Variants in NRXN3 observed in about 807,000 individuals in gnomAD.
The protein encoded by NRXN3 is neurexin 3.
A neutral mutation model predicts 137.6 loss-of-function variants in NRXN3; 32 were observed. The observed-to-expected ratio is 0.23, with a 90% CI of 0.18 to 0.31. The LOEUF (loss-of-function observed/expected upper bound fraction) is 0.31. NRXN3 is among the 10% of genes least tolerant of loss of function. The pLI is 1.00. For synonymous variants in NRXN3, 798 were observed against 784.5 expected (o/e 1.02, Z -0.29); for missense variants, 1,574 against 2,062.5 (o/e 0.76, Z 4.59).
At chr14:79,101,911 T>G (rs1225258153) in intron 15 of NRXN3, among the ~76,000 whole-genome samples, 1 of 150,626 alleles carries the variant, frequency 6.6e-6, no homozygotes, top group African/African-American at 2.4e-5. Flanking sequence ...GAGAAGAGAG[T>G]GCCATGAGAA....
intron 6 of NRXN3, among the ~76,000 whole-genome samples, chr14:78,667,705 T>C (rs2097899400): frequency 6.6e-6 from 1 of 152,310 alleles, no homozygotes; most frequent in East Asian, 1.9e-4. Flanking sequence ...CATGGATAAA[T>C]ATGTGTGCAT....
intron 4 of NRXN3, among the ~76,000 whole-genome samples, chr14:78,462,583 C>T (rs1356730737): frequency 6.6e-6 from 1 of 152,192 alleles, no homozygotes; most frequent in African/African-American, 2.4e-5. Flanking sequence ...CCTTATCAGA[C>T]ATCTTAATTT....
chr14:78,604,032 C>T (rs571012688), intron 4 of NRXN3, among the ~76,000 whole-genome samples: 13 of 152,136 alleles, frequency 8.5e-5, no homozygotes, highest in East Asian at 1.9e-4. Context: ...ACAATCACGA[C>T]GGAAGATGAA....
intron 4 of NRXN3, among the ~76,000 whole-genome samples, chr14:78,554,705 G>A (rs2096722456): frequency 6.6e-6 from 1 of 152,136 alleles, no homozygotes. Context: ...TCACCCACAG[G>A]ATGCTCATGT....
chr14:78,726,042 G>A (rs1334677479), intron 8 of NRXN3, among the ~76,000 whole-genome samples: 1 of 152,116 alleles, frequency 6.6e-6, no homozygotes, highest in East Asian at 1.9e-4. Flanking sequence ...TCTCTTCTGT[G>A]ATCGATATAC....
intron 15 of NRXN3, among the ~76,000 whole-genome samples, chr14:79,059,250 C>CTTTTTTTTTTTTTTTTTTGTTTTTTTT (rs2099670791): frequency 1.3e-5 from 1 of 78,320 alleles, no homozygotes; most frequent in African/African-American, 5.1e-5. Context: ...AGGCCCTATT[C>CTTTTTTTTTTTTTTTTTTGTTTTTTTT]TTTTTTTTTT....
chr14:78,835,800 T>C (rs1277839716), intron 10 of NRXN3, among the ~76,000 whole-genome samples: 3 of 152,122 alleles, frequency 2.0e-5, no homozygotes, highest in Non-Finnish European at 2.9e-5. Context: ...AAGTACAACA[T>C]TGATAGAGGG....
chr14:79,769,976 A>G (rs1447079299), intron 19 of NRXN3, among the ~76,000 whole-genome samples: 1 of 152,184 alleles, frequency 6.6e-6, no homozygotes, highest in Non-Finnish European at 1.5e-5. Flanking sequence ...TTGCAATCCT[A>G]GTCTCTGATA....
chr14:79,356,284 G>A (rs2093419250), intron 15 of NRXN3, among the ~76,000 whole-genome samples: 1 of 152,150 alleles, frequency 6.6e-6, no homozygotes, highest in African/African-American at 2.4e-5. Flanking sequence ...TTTGGAGTAT[G>A]TGTGGGGGTG....
Position 78,297,944 on chromosome 14 carries a change from C to T in NRXN3, c.757+84C>T, listed in dbSNP as rs147457373. On this transcript the variant is annotated intron_variant, in intron 4 of 20. Coordinates refer to ENST00000335750, the MANE Select transcript of NRXN3 (RefSeq NM_001330195.2). ...GGCTGGTCACAGAGCCTCATCGTCACTGGCAGGCCATTCGCTGCCTGTCCT... is the reference window on the plus strand; with the variant it reads ...GGCTGGTCACAGAGCCTCATCGTCATTGGCAGGCCATTCGCTGCCTGTCCT... 22 of 1,486,828 alleles carry T rather than the reference C, an allele frequency of 1.5e-5. No homozygotes were observed. In the East Asian group the frequency reaches 4.7e-4, roughly 32 times the overall value. 92.1% of individuals were successfully genotyped at this position (1,486,828 alleles called of 1,614,324 possible). A position where few individuals can be genotyped will look rare whatever the true frequency, so the allele number is the denominator to read the frequency against.
intron 14 of NRXN3, among the ~76,000 whole-genome samples, chr14:78,974,380 C>G (rs1411977078): frequency 1.3e-5 from 2 of 152,138 alleles, no homozygotes; most frequent in East Asian, 3.9e-4. Flanking sequence ...TTTTGAATTC[C>G]CAGAGCTTAG....
intron 8 of NRXN3, among the ~76,000 whole-genome samples, chr14:78,790,369 T>C (rs911214952): frequency 6.6e-6 from 1 of 152,180 alleles, no homozygotes; most frequent in Non-Finnish European, 1.5e-5. Context: ...TGACCATATG[T>C]AATGGCAGGA....
chr14:78,442,111 A>C (rs2094275654), intron 4 of NRXN3, among the ~76,000 whole-genome samples: 1 of 151,510 alleles, frequency 6.6e-6, no homozygotes, highest in South Asian at 2.1e-4. Flanking sequence ...GAAAAAAAAA[A>C]AAAAAAGGTT....
In NRXN3 at chr14:78,435,560, C is replaced by A. The variant is rs560774597; in HGVS notation, c.757+137700C>A. On this transcript the variant is annotated intron_variant, in intron 4 of 20. Coordinates refer to ENST00000335750, the MANE Select transcript of NRXN3 (RefSeq NM_001330195.2). ...ATAAATGTTATTTTCCTAGGATGTA[C>A]TTAGAGCAATAAATGTTCTGTGAAA... 4.6e-5 allele frequency among the ~76,000 whole-genome samples: 7 copies of A among 152,246 alleles called. No individual in the cohort carries two copies. The South Asian group carries it at 1.5e-3, about 32-fold the overall frequency.
intron 15 of NRXN3, among the ~76,000 whole-genome samples, chr14:79,464,940 C>T (rs1336972678): frequency 2.0e-5 from 3 of 152,114 alleles, no homozygotes; most frequent in African/African-American, 4.8e-5. Flanking sequence ...GTATATGCTG[C>T]TATCAATTTT....
intron 10 of NRXN3, among the ~76,000 whole-genome samples, chr14:78,815,341 A>T (rs1162377859): frequency 6.6e-6 from 1 of 152,170 alleles, no homozygotes. Context: ...CCTTTGATTC[A>T]TCATAGAGGT....
chr14:79,754,507 T>C (rs971325318), intron 19 of NRXN3, among the ~76,000 whole-genome samples: 1 of 194 alleles, frequency 5.2e-3, no homozygotes, highest in Non-Finnish European at 0.017. Flanking sequence ...TCTCTTGATA[T>C]ATATATATAT....
chr14:79,838,372 CTG>C (rs2099348755), intron 20 of NRXN3, among the ~76,000 whole-genome samples: 1 of 152,180 alleles, frequency 6.6e-6, no homozygotes, highest in African/African-American at 2.4e-5. Context: ...AAAGTGGAGA[CTG>C]TAAGTGGGTT....
chr14:78,851,711 G>A (rs917772144), intron 10 of NRXN3, among the ~76,000 whole-genome samples: 1 of 152,136 alleles, frequency 6.6e-6, no homozygotes, highest in African/African-American at 2.4e-5. Flanking sequence ...AGGAAACAAC[G>A]AAAGTGAGAA....
Sources: gnomAD v4.1 joint callset for allele counts (sites outside exome capture counted in the v4.1 genomes callset) on GRCh38, gnomAD v4.1.1 for gene constraint, MANE v1.5 for transcripts, NCBI Gene and HGNC (gene_info 2026-07-23, HGNC 2026-07-21) for gene names.